RBFOX1: variants seen among roughly 807,000 people sequenced by gnomAD.
RBFOX1 encodes RNA binding fox-1 homolog 1, also known as RNA binding protein fox-1 homolog 1.
RBFOX1 carries 8 observed loss-of-function variants against 57.7 expected under a neutral mutation model. That is an observed-to-expected ratio of 0.14 (90% CI 0.08 to 0.25). The LOEUF (loss-of-function observed/expected upper bound fraction) is 0.25. Among genes scored for constraint, RBFOX1 ranks in the 10% least tolerant of loss-of-function variants. The pLI, the probability that RBFOX1 is intolerant of heterozygous loss-of-function variation, is 1.00. For synonymous variants in RBFOX1, 326 were observed against 222.4 expected, an observed-to-expected ratio of 1.47 and a Z score of -4.15; for missense variants, 611 against 548.5, an observed-to-expected ratio of 1.11 and a Z score of -1.14.
chr16:7,285,772 C>A (rs1029844029), intron 4 of RBFOX1, among the ~76,000 whole-genome samples: 4 of 152,158 alleles, frequency 2.6e-5, no homozygotes, highest in African/African-American at 9.7e-5. Flanking sequence ...GTTTGTTTAA[C>A]CATTCATCTA....
chr16:6,224,854 T>C (rs2097404027), intron 1 of RBFOX1, among the ~76,000 whole-genome samples: 1 of 151,960 alleles, frequency 6.6e-6, no homozygotes, highest in Non-Finnish European at 1.5e-5. Flanking sequence ...ACCCCATCTC[T>C]ATTTAATACA....
chr16:6,924,164 C>A (rs1185701574), intron 3 of RBFOX1, among the ~76,000 whole-genome samples: 1 of 100,648 alleles, frequency 9.9e-6, no homozygotes, highest in Non-Finnish European at 2.1e-5. Context: ...AAGACTCTGT[C>A]TCAAAAATAA....
rs115091816 is a variant in RBFOX1 at position 6,882,850 on chromosome 16, C to A, written c.-15-169207C>A. On this transcript the variant is annotated intron_variant, in intron 3 of 15. Coordinates refer to ENST00000550418, the MANE Select transcript of RBFOX1 (RefSeq NM_018723.4). The stretch of plus-strand genomic sequence containing the variant: ...CCCTTTTCAGAGGCTTTATGTTCAC[C>A]CCCAGGAGTGAACAACCATCTTCCT... Among the ~76,000 whole-genome samples the A allele has an allele frequency of 8.1e-3, 1,238 of 152,112 alleles. 20 individuals are homozygous for A. The highest frequency in any genetic ancestry group is 0.028 in the African/African-American group (1,173 of 41,482).
intron 2 of RBFOX1, among the ~76,000 whole-genome samples, chr16:6,587,920 A>G (rs942621692): frequency 1.3e-5 from 2 of 152,198 alleles, no homozygotes; most frequent in Non-Finnish European, 2.9e-5. Context: ...AGGCTTCAAC[A>G]TGCTTCTCTT....
intron 1 of RBFOX1, among the ~76,000 whole-genome samples, chr16:5,382,968 C>T (rs2151395094): frequency 6.6e-6 from 1 of 152,326 alleles, no homozygotes; most frequent in East Asian, 1.9e-4. Context: ...ACTCTGACTG[C>T]TTTGCTGGGT....
chr16:6,871,511 C>T (rs896856336), intron 3 of RBFOX1, among the ~76,000 whole-genome samples: 1 of 152,036 alleles, frequency 6.6e-6, no homozygotes, highest in East Asian at 1.9e-4. Context: ...ACTCTTTCCT[C>T]TCCCTTATCC....
At chr16:6,633,138 C>G (rs554218371) in intron 2 of RBFOX1, among the ~76,000 whole-genome samples, 1 of 152,190 alleles carries the variant, frequency 6.6e-6, no homozygotes, top group Non-Finnish European at 1.5e-5. Flanking sequence ...ATGCAGCTGA[C>G]GTGCACCCCT....
intron 2 of RBFOX1, among the ~76,000 whole-genome samples, chr16:6,497,188 C>G (rs1355608830): frequency 2.0e-5 from 3 of 152,124 alleles, no homozygotes; most frequent in Non-Finnish European, 4.4e-5. Flanking sequence ...CCGACTAAAC[C>G]CACAAGCAGC....
chr16:6,876,618 A>G (rs998085941), intron 3 of RBFOX1, among the ~76,000 whole-genome samples: 8 of 152,148 alleles, frequency 5.3e-5, no homozygotes, highest in Non-Finnish European at 1.2e-4. Flanking sequence ...AGAGTAAAAG[A>G]CTTGTATCTA....
intron 1 of RBFOX1, among the ~76,000 whole-genome samples, chr16:5,363,311 G>T (rs751042964): frequency 1.4e-4 from 21 of 152,066 alleles, no homozygotes; most frequent in Admixed American, 7.2e-4. Flanking sequence ...TCCCAAAGTG[G>T]TGGGATTACA....
At chr16:5,987,793 G>C (rs2060311006) in intron 4 of RBFOX1, among the ~76,000 whole-genome samples, 1 of 152,150 alleles carries the variant, frequency 6.6e-6, no homozygotes, top group African/African-American at 2.4e-5. Flanking sequence ...AATTGCAACA[G>C]CACCATTTAC....
At chr16:6,483,773 A>G (rs1261144274) in intron 2 of RBFOX1, 8 of 1,408,312 alleles carry the variant, frequency 5.7e-6, no homozygotes, top group African/African-American at 2.9e-5. Context: ...CCGCTGTCCA[A>G]CGTTAGCGCA....
At chr16:7,401,645 C>T (rs1438623440) in intron 4 of RBFOX1, among the ~76,000 whole-genome samples, 3 of 152,212 alleles carry the variant, frequency 2.0e-5, no homozygotes, top group Non-Finnish European at 4.4e-5. Context: ...TTTGAACCCA[C>T]TTTTCATTAT....
chr16:5,948,411 G>C (rs1051406366), intron 4 of RBFOX1, among the ~76,000 whole-genome samples: 30 of 152,310 alleles, frequency 2.0e-4, no homozygotes, highest in African/African-American at 7.2e-4. Context: ...CATAGATTGG[G>C]TTGAACAGCG....
intron 4 of RBFOX1, among the ~76,000 whole-genome samples, chr16:7,301,717 T>C (rs1334967846): frequency 1.3e-5 from 2 of 152,164 alleles, no homozygotes; most frequent in Non-Finnish European, 2.9e-5. Flanking sequence ...TCTTGGGTTA[T>C]TTACAGGCTT....
At chr16:5,299,391 A>G (rs972306141) in intron 1 of RBFOX1, among the ~76,000 whole-genome samples, 8 of 152,168 alleles carry the variant, frequency 5.3e-5, no homozygotes, top group African/African-American at 1.9e-4. Flanking sequence ...TAAAACTTCT[A>G]TGAATAAATA....
chr16:7,655,196 G>A (rs547037785), intron 12 of RBFOX1, among the ~76,000 whole-genome samples: 5 of 152,272 alleles, frequency 3.3e-5, no homozygotes, highest in Admixed American at 1.3e-4. Flanking sequence ...CATTTGAAAT[G>A]TTTGTTTCAA....
chr16:7,109,741 T>A (rs2064301065), intron 4 of RBFOX1, among the ~76,000 whole-genome samples: 1 of 152,010 alleles, frequency 6.6e-6, no homozygotes, highest in Admixed American at 6.6e-5. Context: ...TCATTCCAGA[T>A]CCAAAAAATC....
chr16:7,389,150 G>C (rs538119186), intron 4 of RBFOX1, among the ~76,000 whole-genome samples: 5 of 152,056 alleles, frequency 3.3e-5, no homozygotes, highest in African/African-American at 9.7e-5. Flanking sequence ...TTTGGAGGCA[G>C]AGTCTCACTG....
Sources: gnomAD v4.1 joint callset for allele counts (sites outside exome capture counted in the v4.1 genomes callset) on GRCh38, gnomAD v4.1.1 for gene constraint, MANE v1.5 for transcripts, NCBI Gene and HGNC (gene_info 2026-07-23, HGNC 2026-07-21) for gene names.